Variants in FRAS1 observed in about 807,000 individuals in gnomAD.
FRAS1 encodes the protein extracellular matrix organizing protein FRAS1.
FRAS1 carries 290 observed loss-of-function variants against 435.2 expected under a neutral mutation model. That is an observed-to-expected ratio of 0.67 (90% CI 0.61 to 0.73). FRAS1 has a LOEUF of 0.73. Among genes scored for constraint, FRAS1 ranks in the 30% least tolerant of loss-of-function variants. The probability of loss-of-function intolerance (pLI) is 0.00; values close to 1 mark genes in which losing one functional copy is unlikely to be tolerated. For missense variants in FRAS1, 4,860 were observed against 5,001.5 expected (o/e 0.97, Z 0.85); for synonymous variants, 1,800 against 1,851.0 (o/e 0.97, Z 0.71).
At chr4:78,143,613 T>C (rs986183737) in intron 2 of FRAS1, among the ~76,000 whole-genome samples, 3 of 152,104 alleles carry the variant, frequency 2.0e-5, no homozygotes, top group Non-Finnish European at 2.9e-5. Flanking sequence ...GATTTAACTC[T>C]AGCTAGGTTC....
chr4:78,434,139 C>G (rs927694526), intron 38 of FRAS1, among the ~76,000 whole-genome samples: 1 of 152,156 alleles, frequency 6.6e-6, no homozygotes, highest in African/African-American at 2.4e-5. Context: ...GAAAAGCCAT[C>G]TGAAATCCTA....
intron 14 of FRAS1, among the ~76,000 whole-genome samples, chr4:78,307,711 G>T (rs535353035): frequency 4.6e-5 from 7 of 152,200 alleles, no homozygotes; most frequent in Non-Finnish European, 2.9e-5. Flanking sequence ...GCCCTGCTTC[G>T]GCTGGCGCAT....
In FRAS1 at chr4:78,193,998, C is replaced by T. The variant is rs890140027; in HGVS notation, c.109-43512C>T. On this transcript the variant is annotated intron_variant, in intron 2 of 73. Transcript: ENST00000512123. ...ACAAAATCTCTCAGCATTTGCTTGTCTCTAAAGGATTTTATTTCTCCTTCA... is the reference window on the plus strand; with the variant it reads ...ACAAAATCTCTCAGCATTTGCTTGTTTCTAAAGGATTTTATTTCTCCTTCA... Among the ~76,000 whole-genome samples the T allele has an allele frequency of 1.3e-4, 20 of 152,294 alleles. 1 individual carries two copies. The highest frequency in any genetic ancestry group is 1.2e-3 in the Admixed American group (19 of 15,306).
intron 31 of FRAS1, among the ~76,000 whole-genome samples, chr4:78,411,375 G>A (rs1278990859): frequency 6.6e-6 from 1 of 152,086 alleles, no homozygotes. Flanking sequence ...GCCTCCCAAA[G>A]TGCTGGGATT....
At chr4:78,435,753 A>C (rs1415862017) in intron 38 of FRAS1, among the ~76,000 whole-genome samples, 1 of 149,744 alleles carries the variant, frequency 6.7e-6, no homozygotes, top group East Asian at 1.9e-4. Context: ...AAAAAAAAAA[A>C]CAACCAGTCA....
intron 14 of FRAS1, among the ~76,000 whole-genome samples, chr4:78,297,032 T>G (rs566093704): frequency 1.4e-4 from 22 of 152,304 alleles, no homozygotes; most frequent in African/African-American, 5.1e-4. Context: ...TATTGAAAAT[T>G]TACCCACTGT....
At chr4:78,463,426 C>A (rs980168794) in intron 47 of FRAS1, among the ~76,000 whole-genome samples, 7 of 152,068 alleles carry the variant, frequency 4.6e-5, no homozygotes, top group Non-Finnish European at 7.4e-5. Flanking sequence ...CAGAGTCAGG[C>A]GGTAAGTTTT....
intron 2 of FRAS1, among the ~76,000 whole-genome samples, chr4:78,113,337 G>A (rs1346084628): frequency 6.6e-6 from 1 of 152,088 alleles, no homozygotes; most frequent in Non-Finnish European, 1.5e-5. Context: ...CTTTGGGTAT[G>A]TAACCAGTAA....
chr4:78,291,985 A>G lies in FRAS1; in HGVS notation c.1534+5446A>G, dbSNP rs117537839. Among the ~76,000 whole-genome samples, 48 of 152,348 alleles carry G rather than the reference A, an allele frequency of 3.2e-4. No individual in the cohort carries two copies. The East Asian group carries it at 9.1e-3, about 29-fold the overall frequency. ...CTGAACTTCAATTTTTTCAACTGCAAAATGGGGACGATATTATCTACTTTA... is the reference window on the plus strand; with the variant it reads ...CTGAACTTCAATTTTTTCAACTGCAGAATGGGGACGATATTATCTACTTTA... On this transcript the variant is annotated intron_variant, in intron 14 of 73. Transcript: ENST00000512123.
intron 18 of FRAS1, among the ~76,000 whole-genome samples, chr4:78,326,843 C>T (rs1035027530): frequency 3.9e-5 from 6 of 152,096 alleles, no homozygotes; most frequent in Non-Finnish European, 5.9e-5. Context: ...GATGCCAATG[C>T]TTTCATCCAT....
At chr4:78,115,528 A>C (rs1382524869) in intron 2 of FRAS1, among the ~76,000 whole-genome samples, 1 of 152,078 alleles carries the variant, frequency 6.6e-6, no homozygotes, top group African/African-American at 2.4e-5. Context: ...ATCTATTCAG[A>C]GATTCAACTT....
Position 78,212,298 on chromosome 4 carries a change from C to G in FRAS1, c.109-25212C>G, listed in dbSNP as rs952519807. 3.3e-5 allele frequency among the ~76,000 whole-genome samples: 5 copies of G among 152,284 alleles called. No homozygotes were observed. In the South Asian group the frequency reaches 8.3e-4, roughly 25 times the overall value. ...ACTGTGACCTCCTTCCTCTTGCATT[C>G]GCTGCATTTTGTGCATCGTCTTCCC... is the stretch of plus-strand genomic sequence containing the variant. On this transcript the variant is annotated intron_variant, in intron 2 of 73. Transcript: ENST00000512123.
At chr4:78,210,283 C>A (rs1012486427) in intron 2 of FRAS1, among the ~76,000 whole-genome samples, 5 of 152,202 alleles carry the variant, frequency 3.3e-5, no homozygotes, top group Non-Finnish European at 5.9e-5. Flanking sequence ...GGCTGAAGGC[C>A]CTGGTCTCTG....
chr4:78,290,093 C>T (rs556181656), intron 14 of FRAS1, among the ~76,000 whole-genome samples: 6 of 152,102 alleles, frequency 3.9e-5, no homozygotes, highest in East Asian at 3.9e-4. Context: ...ATCTTAGATA[C>T]GAGAGTCCAT....
chr4:78,536,756 A>T (rs1376775911), intron 71 of FRAS1, among the ~76,000 whole-genome samples: 1 of 152,198 alleles, frequency 6.6e-6, no homozygotes, highest in African/African-American at 2.4e-5. Flanking sequence ...ATTAATGCTT[A>T]TTGAAAAAAA....
At chr4:78,118,786 C>T (rs1008606934) in intron 2 of FRAS1, among the ~76,000 whole-genome samples, 1 of 152,154 alleles carries the variant, frequency 6.6e-6, no homozygotes, top group Non-Finnish European at 1.5e-5. Context: ...CAATGCCTCA[C>T]CCTCCTTCGG....
At position 78,511,264 on chromosome 4, in the gene FRAS1, T is replaced by G; in HGVS notation, c.9781-10T>G. The G allele has an allele frequency of 6.4e-7, 1 of 1,564,648 alleles. No individual in the cohort carries two copies. The highest frequency in any genetic ancestry group is 8.7e-7 in the Non-Finnish European group (1 of 1,152,094). On this transcript the variant is annotated splice_polypyrimidine_tract_variant and intron_variant, in intron 63 of 73. Transcript: ENST00000512123. The stretch of plus-strand genomic sequence containing the variant: ...TACTCACATTGGAGGTGATTTTTTC[T>G]TCCTGTTAGGTCCTGGACAGCATTT...
Position 78,499,833 on chromosome 4 carries a change from C to T in FRAS1, c.9228C>T (p.Thr3076=), listed in dbSNP as rs369529123. The T allele has an allele frequency of 1.1e-4, 184 of 1,613,698 alleles. No homozygotes were observed. In the African/African-American group the frequency reaches 2.3e-3, roughly 20 times the overall value. Reference sequence around the variant, plus strand: ...TCCGCAGAGGGGATCAGAACAGGACCTCCAAGGTTCGCTGCAGCACGCGGG... The same window carrying T: ...TCCGCAGAGGGGATCAGAACAGGACTTCCAAGGTTCGCTGCAGCACGCGGG... The part of the protein sequence containing the change: ...KVIRRGDQNR[T]SKVRCSTRDG... The change falls in exon 61 of 74, where the codon ACC becomes ACT. Residue 3076 remains threonine (T), a synonymous_variant. Coordinates refer to ENST00000512123, the MANE Select transcript of FRAS1 (RefSeq NM_025074.7).
chr4:78,419,039 A>G lies in FRAS1; in HGVS notation c.4516A>G (p.Thr1506Ala). ...KPSGKIVYNI[T>A]LPLHPNQGII... is the part of the protein sequence containing the mutation. Reference sequence around the variant, plus strand: ...AAGTGGAAAGATTGTCTACAACATCACTCTACCTCTGCATCCAAATCAAGG... The same window carrying G: ...AAGTGGAAAGATTGTCTACAACATCGCTCTACCTCTGCATCCAAATCAAGG... Residue 1506 changes from threonine to alanine, a missense_variant, in exon 33 of 74, where the codon ACT (threonine) becomes GCT (alanine). Thr to Ala is a moderately conservative substitution (Grantham distance 58, BLOSUM62 0). Coordinates refer to ENST00000512123, the MANE Select transcript of FRAS1 (RefSeq NM_025074.7). 2 of 1,576,954 alleles carry G rather than the reference A, an allele frequency of 1.3e-6. No individual in the cohort carries two copies. Among genetic ancestry groups the G allele is most frequent in the African/African-American group, 1.4e-5 (1 of 72,808 alleles).
Sources: gnomAD v4.1 joint callset for allele counts (sites outside exome capture counted in the v4.1 genomes callset) on GRCh38, gnomAD v4.1.1 for gene constraint, MANE v1.5 for transcripts, NCBI Gene and HGNC (gene_info 2026-07-23, HGNC 2026-07-21) for gene names.